The following TMPRSS13 variants were observed in gnomAD, a reference collection of about 807,000 sequenced individuals.
The protein encoded by TMPRSS13 is transmembrane serine protease 13.
A neutral mutation model predicts 68.4 loss-of-function variants in TMPRSS13; 50 were observed. The ratio of observed to expected loss-of-function variants is 0.73; its 90% CI spans 0.58 to 0.93. The LOEUF is 0.93. Among genes scored for constraint, TMPRSS13 ranks in the 40% least tolerant of loss-of-function variants. The pLI is 0.00. For missense variants in TMPRSS13, 615 were observed against 729.2 expected, an observed-to-expected ratio of 0.84 and a Z score of 1.80; for synonymous variants, 267 against 285.8, an observed-to-expected ratio of 0.93 and a Z score of 0.66.
chr11:117,927,909 G>A (rs1385394163), intron 1 of TMPRSS13, among the ~76,000 whole-genome samples: 6 of 152,168 alleles, frequency 3.9e-5, no homozygotes, highest in Non-Finnish European at 7.3e-5. Context: ...TTAATTGGGA[G>A]TTCCTCAAAG....
Position 117,918,322 on chromosome 11 carries a change from A to G in TMPRSS13, c.451+87T>C, listed in dbSNP as rs1476745635. Reference sequence around the variant, plus strand: ...CTTCCCCGCATCGTTGTCTGCTATGAGAGCAGAGCACACTGGCTCTGAGAT... The same window carrying G: ...CTTCCCCGCATCGTTGTCTGCTATGGGAGCAGAGCACACTGGCTCTGAGAT... On this transcript the variant is annotated intron_variant, in intron 2 of 12. Coordinates refer to ENST00000524993, the MANE Select transcript of TMPRSS13 (RefSeq NM_001077263.3). 3 of 1,429,860 alleles carry G rather than the reference A, an allele frequency of 2.1e-6. No homozygotes were observed. The African/African-American group carries it at 4.3e-5, about 20-fold the overall frequency. The allele number at this position is 1,429,860 out of a possible 1,614,324, so 88.6% of individuals were successfully genotyped here.
At chr11:117,907,737 C>T (rs2057477764) in intron 9 of TMPRSS13, 3 of 924,440 alleles carry the variant, frequency 3.2e-6, no homozygotes, top group African/African-American at 1.8e-5. Context: ...TGATTAGTTG[C>T]TCCCGCCTAT....
chr11:117,908,812 C>G, intron 8 of TMPRSS13, 28 bp from the exon 9 acceptor site: 1 of 1,563,062 alleles, frequency 6.4e-7, no homozygotes. Flanking sequence ...GAGCGTGGTC[C>G]AGTACCTGCC....
At chr11:117,917,021 A>G in intron 3 of TMPRSS13, 149 bp downstream of exon 3, 2 of 692,432 alleles carry the variant, frequency 2.9e-6, no homozygotes, top group South Asian at 3.6e-5. Flanking sequence ...GCACAGTCCA[A>G]GGCCATTTGC....
At chr11:117,913,525 A>T (rs1050125078) in intron 5 of TMPRSS13, among the ~76,000 whole-genome samples, 9 of 152,184 alleles carry the variant, frequency 5.9e-5, no homozygotes, top group African/African-American at 2.2e-4. Flanking sequence ...GATGCAAAGA[A>T]CCATCTAGGA....
chr11:117,903,857 G>A (rs757488333), intron 11 of TMPRSS13, 50 bp from the exon 12 acceptor site: 1 of 1,599,652 alleles, frequency 6.3e-7, no homozygotes, highest in Non-Finnish European at 8.5e-7. Flanking sequence ...TGGTCCATGA[G>A]CGGGAAAGGG....
At chr11:117,917,937 C>T (rs1252641516) in intron 2 of TMPRSS13, among the ~76,000 whole-genome samples, 2 of 152,168 alleles carry the variant, frequency 1.3e-5, no homozygotes, top group Admixed American at 6.5e-5. Flanking sequence ...AACCACACAA[C>T]CCACAATTTG....
chr11:117,918,408 C>A lies in TMPRSS13; in HGVS notation c.451+1G>T. ...TGGCTTCCCTACAGCATCCCCCTTA[C>A]CTGGGCTCTCCCTGGTGGCCCTGGT... is the stretch of plus-strand genomic sequence containing the variant. On this transcript the variant is annotated splice_donor_variant, in intron 2 of 12. Transcript: ENST00000524993. LOFTEE classifies it high-confidence loss of function. 1 of 1,613,214 alleles carries A rather than the reference C, an allele frequency of 6.2e-7. No individual in the cohort carries two copies. Among genetic ancestry groups the A allele is most frequent in the South Asian group, 1.1e-5 (1 of 91,054 alleles).
At position 117,901,983 on chromosome 11, in the gene TMPRSS13, T is replaced by A; in HGVS notation, c.*256A>T. On this transcript the variant is annotated 3_prime_UTR_variant, in exon 13 of 13. Coordinates refer to ENST00000524993, the MANE Select transcript of TMPRSS13 (RefSeq NM_001077263.3). Reference sequence around the variant, plus strand: ...ACATCCACGGTACTCAACTCTTGTCTCCAGGTAATTTCCAGCCTGGGATTT... The same window carrying A: ...ACATCCACGGTACTCAACTCTTGTCACCAGGTAATTTCCAGCCTGGGATTT... 1.7e-6 allele frequency: 1 copy of A among 575,850 alleles called. No homozygotes were observed. The highest frequency in any genetic ancestry group is 3.1e-6 in the Non-Finnish European group (1 of 319,704). 35.7% of individuals were successfully genotyped at this position (575,850 alleles called of 1,614,324 possible).
chr11:117,904,163 C>T (rs937461580), intron 10 of TMPRSS13, 62 bp from the exon 11 acceptor site: 1 of 1,570,068 alleles, frequency 6.4e-7, no homozygotes, highest in African/African-American at 1.3e-5. Flanking sequence ...TAGATAGCTT[C>T]CTGGCCGTCC....
At position 117,908,634 on chromosome 11, in the gene TMPRSS13, C is replaced by T. The variant is rs1293602432; in HGVS notation, c.1260G>A (p.Leu420=). 12 of 1,568,452 alleles carry T rather than the reference C, an allele frequency of 7.7e-6. No individual in the cohort carries two copies. In the South Asian group the frequency reaches 1.2e-4, roughly 15 times the overall value. The part of the protein sequence containing the change: ...EDDYDIALMR[L]SKPLTLSAHI... Reference sequence around the variant, plus strand: ...CACCGGACAGGGTCAGGGGCTTGGACAGCCGCATGAGGGCGATGTCATAGT... The same window carrying T: ...CACCGGACAGGGTCAGGGGCTTGGATAGCCGCATGAGGGCGATGTCATAGT... Residue 420 remains leucine, a synonymous_variant, in exon 9 of 13, where the codon CTG becomes CTA. Coordinates refer to ENST00000524993, the MANE Select transcript of TMPRSS13 (RefSeq NM_001077263.3).
intron 9 of TMPRSS13, 108 bp downstream of exon 9, chr11:117,908,504 C>A (rs746612853): frequency 3.2e-6 from 4 of 1,259,666 alleles, no homozygotes; most frequent in Non-Finnish European, 4.5e-6. Flanking sequence ...TTCTGCCCTG[C>A]AGAAGCTTTG....
intron 12 of TMPRSS13, chr11:117,902,954 C>A: frequency 9.9e-7 from 1 of 1,012,272 alleles, no homozygotes; most frequent in Non-Finnish European, 1.2e-6. Flanking sequence ...CAAGGTAAGG[C>A]ACACACTGAA....
chr11:117,906,884 T>G (rs11216613), intron 9 of TMPRSS13, among the ~76,000 whole-genome samples: 76,538 of 151,918 alleles, frequency 0.5, 19,587 homozygotes, highest in Middle Eastern at 0.67. Flanking sequence ...ACCTGCCAAA[T>G]GAGTTTAAGA....
At chr11:117,916,824 C>T (rs1006561746) in intron 3 of TMPRSS13, among the ~76,000 whole-genome samples, 1 of 152,164 alleles carries the variant, frequency 6.6e-6, no homozygotes, top group Non-Finnish European at 1.5e-5. Context: ...TGAGAACTTA[C>T]GGGACACATA....
rs773143605 is a variant in TMPRSS13, at chr11:117,908,738, T to G, written c.1156A>C (p.Ser386Arg). 2.5e-6 allele frequency: 4 copies of G among 1,609,622 alleles called. No individual in the cohort carries two copies. The highest frequency in any genetic ancestry group is 3.4e-6 in the Non-Finnish European group (4 of 1,178,764). Residue 386 changes from serine (S) to arginine (R), a missense_variant, in exon 9 of 13, where the codon AGC (serine) becomes CGC (arginine). Coordinates refer to ENST00000524993, the MANE Select transcript of TMPRSS13 (RefSeq NM_001077263.3). ...GCCTCAGGCAACTGGTGCAGGTTGCTGGTGCCCGCGTACACCTTCCAGCCC... is the reference window on the plus strand; with the variant it reads ...GCCTCAGGCAACTGGTGCAGGTTGCGGGTGCCCGCGTACACCTTCCAGCCC... ...LEGWKVYAGT[S>R]NLHQLPEAAS... is the part of the protein sequence containing the mutation.
At chr11:117,919,254 C>T (rs1470435770) in intron 1 of TMPRSS13, among the ~76,000 whole-genome samples, 2 of 152,232 alleles carry the variant, frequency 1.3e-5, no homozygotes, top group African/African-American at 4.8e-5. Context: ...TCTTCCCTTC[C>T]ACCTCCTACA....
chr11:117,924,416 C>T (rs984406390), intron 1 of TMPRSS13, among the ~76,000 whole-genome samples: 1 of 152,122 alleles, frequency 6.6e-6, no homozygotes, highest in Non-Finnish European at 1.5e-5. Flanking sequence ...CAGACAGAGG[C>T]CCCCGTGGCA....
rs769945026 is a variant in TMPRSS13 at position 117,918,702 on chromosome 11, C to T, written c.158G>A (p.Arg53Gln). The change falls in exon 2 of 13, where the codon CGG becomes CAG. Residue 53 changes from arginine (R) to glutamine (Q), a missense_variant. Arg to Gln is a conservative substitution (Grantham distance 43). Transcript: ENST00000524993. Reference protein sequence around the residue: ...QASPAGTPPGRASPAQASPAG... With the variant: ...QASPAGTPPGQASPAQASPAG... ...TGGAGATGCCTGGGCTGGAGATGCC[C>T]GGCCCGGAGGTGTCCCAGCTGGAGA... The T allele has an allele frequency of 3.7e-5, 59 of 1,604,014 alleles. No individual in the cohort carries two copies. Among genetic ancestry groups the T allele is most frequent in the Middle Eastern group, 1.7e-4 (1 of 6,026 alleles).
Sources: allele counts gnomAD v4.1 joint callset (sites outside exome capture counted in the v4.1 genomes callset), GRCh38; gene constraint gnomAD v4.1.1; transcripts MANE v1.5; gene names NCBI Gene and HGNC (gene_info 2026-07-23, HGNC 2026-07-21).